Variants in SHANK2 observed in about 807,000 individuals in gnomAD.
The protein encoded by SHANK2 is SH3 and multiple ankyrin repeat domains protein 2.
SHANK2 carries 43 observed loss-of-function variants against 133.7 expected under a neutral mutation model. The ratio of observed to expected loss-of-function variants is 0.32; its 90% confidence interval spans 0.25 to 0.41. SHANK2 has a LOEUF of 0.41. Ranked by LOEUF, SHANK2 falls within the 10% of genes least tolerant of loss-of-function variation. SHANK2 has a pLI of 1.00. For synonymous variants in SHANK2, 1,017 were observed against 952.8 expected (o/e 1.07, Z -1.24); for missense variants, 1,994 against 2,235.8 (o/e 0.89, Z 2.18).
At chr11:71,208,734 T>C (rs1555118415) in intron 2 of SHANK2, among the ~76,000 whole-genome samples, 1 of 152,086 alleles carries the variant, frequency 6.6e-6, no homozygotes, top group East Asian at 1.9e-4. Flanking sequence ...TCAGTTTCCT[T>C]ATCTGTCCAA....
intron 17 of SHANK2, among the ~76,000 whole-genome samples, chr11:70,611,255 GGA>G (rs2060653445): frequency 6.6e-6 from 1 of 152,228 alleles, no homozygotes; most frequent in South Asian, 2.1e-4. Flanking sequence ...CTCACAAAGG[GGA>G]GTTTATCAGT....
intron 17 of SHANK2, among the ~76,000 whole-genome samples, chr11:70,635,754 T>G (rs1223999593): frequency 6.9e-6 from 1 of 145,004 alleles, no homozygotes; most frequent in African/African-American, 2.5e-5. Context: ...AAAGTATAAC[T>G]GTAAAAAAAA....
intron 17 of SHANK2, among the ~76,000 whole-genome samples, chr11:70,617,394 A>G (rs529733632): frequency 6.6e-6 from 1 of 152,322 alleles, no homozygotes; most frequent in Non-Finnish European, 1.5e-5. Context: ...AAACTCAGTC[A>G]TGGATGGAAT....
At chr11:70,482,561 C>T (rs927744635) in intron 25 of SHANK2, among the ~76,000 whole-genome samples, 1 of 152,178 alleles carries the variant, frequency 6.6e-6, no homozygotes, top group African/African-American at 2.4e-5. Flanking sequence ...GTAGCTTCAC[C>T]GCCCTGCCTT....
intron 11 of SHANK2, among the ~76,000 whole-genome samples, chr11:70,851,003 A>G (rs1949078470): frequency 6.6e-6 from 1 of 152,084 alleles, no homozygotes; most frequent in Admixed American, 6.6e-5. Context: ...GAGCATCCGT[A>G]CCCCAAGGTG....
intron 17 of SHANK2, among the ~76,000 whole-genome samples, chr11:70,551,711 A>G (rs1337895975): frequency 6.6e-6 from 1 of 152,226 alleles, no homozygotes; most frequent in Non-Finnish European, 1.5e-5. Flanking sequence ...CTCCATCAAC[A>G]TGAAGCATAG....
intron 5 of SHANK2, among the ~76,000 whole-genome samples, chr11:71,110,614 C>T (rs1473503491): frequency 6.6e-6 from 1 of 152,138 alleles, no homozygotes; most frequent in African/African-American, 2.4e-5. Flanking sequence ...AAACAAATGT[C>T]TTTCCAGGCT....
At chr11:70,870,115 A>C (rs567300624) in intron 11 of SHANK2, among the ~76,000 whole-genome samples, 18 of 152,114 alleles carry the variant, frequency 1.2e-4, no homozygotes, top group African/African-American at 4.3e-4. Flanking sequence ...TGTCCTTATA[A>C]AGAGAGTGTG....
rs1354812218 is a variant in SHANK2 at position 70,514,001 on chromosome 11, C to T, written c.2062-11070G>A. Reference sequence around the variant, plus strand: ...AGGAATTCCCCAATTAGGTGAAGGACATAAATTTATAGATTCAAGAAGCCT... The same window carrying T: ...AGGAATTCCCCAATTAGGTGAAGGATATAAATTTATAGATTCAAGAAGCCT... On this transcript the variant is annotated intron_variant, in intron 17 of 25. Coordinates refer to ENST00000601538, the MANE Select transcript of SHANK2 (RefSeq NM_012309.5). Among the ~76,000 whole-genome samples, 4 of 151,918 alleles carry T rather than the reference C, an allele frequency of 2.6e-5. No individual in the cohort carries two copies. The East Asian group carries it at 5.8e-4, about 22-fold the overall frequency.
Position 70,793,965 on chromosome 11 carries a change from A to G in SHANK2, c.1777+4478T>C, listed in dbSNP as rs577386298. ...AAACTGTGGTGTAAATACACCATAAAACACTAGCCAGCAATAAACATTTAT... is the reference window on the plus strand; with the variant it reads ...AAACTGTGGTGTAAATACACCATAAGACACTAGCCAGCAATAAACATTTAT... On this transcript the variant is annotated intron_variant, in intron 14 of 25. Coordinates refer to ENST00000601538, the MANE Select transcript of SHANK2 (RefSeq NM_012309.5). Among the ~76,000 whole-genome samples the G allele has an allele frequency of 5.3e-5, 8 of 152,332 alleles. No homozygotes were observed. In the South Asian group the frequency reaches 6.2e-4, roughly 12 times the overall value.
chr11:71,222,442 G>A (rs1192271440), intron 2 of SHANK2, among the ~76,000 whole-genome samples: 1 of 152,164 alleles, frequency 6.6e-6, no homozygotes, highest in Non-Finnish European at 1.5e-5. Flanking sequence ...CAACCCAACA[G>A]CCTGAGTGTT....
chr11:70,908,814 C>T (rs1555078472), intron 10 of SHANK2, among the ~76,000 whole-genome samples: 2 of 152,166 alleles, frequency 1.3e-5, no homozygotes, highest in African/African-American at 2.4e-5. Context: ...TAATCAACAT[C>T]AACGTCAAAC....
intron 17 of SHANK2, among the ~76,000 whole-genome samples, chr11:70,560,907 G>C (rs554879170): frequency 6.6e-6 from 1 of 152,010 alleles, no homozygotes; most frequent in Admixed American, 6.5e-5. Context: ...GATTACAGGC[G>C]TGAGCCACGG....
At chr11:71,192,049 T>TG in intron 2 of SHANK2, among the ~76,000 whole-genome samples, 1 of 150,462 alleles carries the variant, frequency 6.6e-6, no homozygotes, top group East Asian at 2.0e-4. Flanking sequence ...TTAGTAGAGA[T>TG]GGGGTTTCAC....
At chr11:71,164,429 G>A (rs1555110422) in intron 2 of SHANK2, among the ~76,000 whole-genome samples, 1 of 152,176 alleles carries the variant, frequency 6.6e-6, no homozygotes, top group Non-Finnish European at 1.5e-5. Context: ...CCCAACACCA[G>A]AGCAGCCACA....
chr11:71,162,159 A>T (rs1275582484), intron 2 of SHANK2, among the ~76,000 whole-genome samples: 4 of 152,242 alleles, frequency 2.6e-5, no homozygotes, highest in Non-Finnish European at 5.9e-5. Flanking sequence ...TTGCTATAAC[A>T]AGATACCATA....
At chr11:70,893,221 T>C (rs550928146) in intron 11 of SHANK2, among the ~76,000 whole-genome samples, 8 of 152,186 alleles carry the variant, frequency 5.3e-5, no homozygotes, top group Non-Finnish European at 1.2e-4. Flanking sequence ...CACCCAGAAG[T>C]TGGGCAGCTT....
intron 1 of SHANK2, among the ~76,000 whole-genome samples, chr11:71,229,598 G>A (rs527859635): frequency 4.6e-5 from 7 of 151,656 alleles, no homozygotes; most frequent in East Asian, 3.9e-4. Context: ...GTGAAACCCC[G>A]TCTCTATTAC....
intron 17 of SHANK2, among the ~76,000 whole-genome samples, chr11:70,553,117 A>C (rs1292513246): frequency 6.6e-6 from 1 of 151,820 alleles, no homozygotes; most frequent in Admixed American, 6.6e-5. Context: ...TTTTTGAGAC[A>C]GAGTCTTGCT....
Sources: gnomAD v4.1 joint callset for allele counts (sites outside exome capture counted in the v4.1 genomes callset) on GRCh38, gnomAD v4.1.1 for gene constraint, MANE v1.5 for transcripts, NCBI Gene and HGNC (gene_info 2026-07-23, HGNC 2026-07-21) for gene names.